The following CSMD3 variants were observed in gnomAD, a reference collection of about 807,000 sequenced individuals.
CSMD3 encodes CUB and sushi domain-containing protein 3.
CSMD3 carries 177 observed loss-of-function variants against 435.2 expected under a neutral mutation model. The ratio of observed to expected loss-of-function variants is 0.41; its 90% confidence interval spans 0.36 to 0.46. The LOEUF is 0.46. Ranked by LOEUF, CSMD3 falls within the 20% of genes least tolerant of loss-of-function variation. The pLI is 0.34. For missense variants in CSMD3, 4,265 were observed against 4,504.6 expected (o/e 0.95, Z 1.52); for synonymous variants, 1,656 against 1,520.5 (o/e 1.09, Z -2.07).
Position 112,947,888 on chromosome 8 carries a change from AG to A in CSMD3, c.1421-12del. 1 of 1,246,642 alleles carries A rather than the reference AG, an allele frequency of 8.0e-7. No homozygotes were observed. 77.2% of individuals were successfully genotyped at this position (1,246,642 alleles called of 1,614,324 possible). On this transcript the variant is annotated splice_polypyrimidine_tract_variant and intron_variant, in intron 8 of 70. Transcript: ENST00000297405. Reference sequence around the variant, plus strand: ...TACCTCCCTCATTTACTGCAACAGCAGGGAAAAAAGAAAAAAGAAACAAAAT... The same window carrying A: ...TACCTCCCTCATTTACTGCAACAGCAGGAAAAAAGAAAAAAGAAACAAAAT...
chr8:112,440,984 A>G (rs891635230), intron 32 of CSMD3, among the ~76,000 whole-genome samples: 1 of 151,896 alleles, frequency 6.6e-6, no homozygotes, highest in Non-Finnish European at 1.5e-5. Flanking sequence ...ATTAACCTTC[A>G]CCTCTTTGTA....
intron 13 of CSMD3, among the ~76,000 whole-genome samples, chr8:112,743,305 A>T (rs12682342): frequency 0.34 from 51,379 of 150,228 alleles, 9,626 homozygotes; most frequent in African/African-American, 0.51. Flanking sequence ...CCAAAAAAAA[A>T]AAATAAATAA....
intron 1 of CSMD3, among the ~76,000 whole-genome samples, chr8:113,366,426 AAAACC>A (rs1198345328): frequency 6.6e-6 from 1 of 152,066 alleles, no homozygotes; most frequent in Non-Finnish European, 1.5e-5. Flanking sequence ...TATCATGAGG[AAAACC>A]AAACCAAATA....
Position 112,482,705 on chromosome 8 carries a change from A to G in CSMD3, c.5278+9784T>C, listed in dbSNP as rs146982288. On this transcript the variant is annotated intron_variant, in intron 31 of 70. Transcript: ENST00000297405. ...ATGATGAAAACCTTTTACTATTTAA[A>G]GAAATTACTTAAAGCAACTAATATA... Among the ~76,000 whole-genome samples, 93 of 152,356 alleles carry G rather than the reference A, an allele frequency of 6.1e-4. 1 individual carries two copies. In the East Asian group the frequency reaches 0.017, roughly 28 times the overall value.
intron 3 of CSMD3, among the ~76,000 whole-genome samples, chr8:113,183,715 G>A (rs1244355264): frequency 6.6e-6 from 1 of 151,886 alleles, no homozygotes; most frequent in East Asian, 1.9e-4. Flanking sequence ...TATATATAAT[G>A]TCTTACTTGT....
In CSMD3 at chr8:113,358,553, A is replaced by G. The variant is rs144583798; in HGVS notation, c.179-43760T>C. On this transcript the variant is annotated intron_variant, in intron 1 of 70. Coordinates refer to ENST00000297405, the MANE Select transcript of CSMD3 (RefSeq NM_198123.2). ...TATTTAGTACAGACCAGGTTTCACC[A>G]TAATGATTAGGCTGGTCTCGATAAA... Among the ~76,000 whole-genome samples the G allele has an allele frequency of 8.3e-3, 1,260 of 152,298 alleles. 16 individuals carry two copies. Among genetic ancestry groups the G allele is most frequent in the African/African-American group, 0.028 (1,176 of 41,562 alleles).
chr8:112,622,060 G>A (rs1246824862), intron 22 of CSMD3, among the ~76,000 whole-genome samples: 1 of 152,118 alleles, frequency 6.6e-6, no homozygotes, highest in African/African-American at 2.4e-5. Flanking sequence ...ACATAAAACA[G>A]GAGCTGTGTG....
chr8:113,379,707 T>C (rs2094406665), intron 1 of CSMD3, among the ~76,000 whole-genome samples: 2 of 152,260 alleles, frequency 1.3e-5, no homozygotes, highest in South Asian at 4.1e-4. Context: ...GAAATTAATC[T>C]AATAATATAA....
intron 32 of CSMD3, among the ~76,000 whole-genome samples, chr8:112,425,827 A>C (rs1813009751): frequency 6.6e-6 from 1 of 152,208 alleles, no homozygotes; most frequent in South Asian, 2.1e-4. Context: ...AATAGTAGTA[A>C]AAAAATCTCA....
At chr8:113,272,389 C>A (rs573913188) in intron 3 of CSMD3, among the ~76,000 whole-genome samples, 1 of 152,264 alleles carries the variant, frequency 6.6e-6, no homozygotes, top group Non-Finnish European at 1.5e-5. Context: ...TAATTTAAAT[C>A]ATGGGAGCAG....
chr8:112,630,593 C>A (rs757881182), intron 22 of CSMD3, among the ~76,000 whole-genome samples: 5 of 151,804 alleles, frequency 3.3e-5, no homozygotes, highest in Non-Finnish European at 7.4e-5. Context: ...TGGGCTAGGA[C>A]AAAGGAAGTG....
At chr8:113,064,526 A>C (rs1453419947) in intron 5 of CSMD3, among the ~76,000 whole-genome samples, 1 of 152,158 alleles carries the variant, frequency 6.6e-6, no homozygotes, top group Admixed American at 6.5e-5. Flanking sequence ...TCACTCTCCA[A>C]ATGTATTTGA....
intron 63 of CSMD3, 150 bp downstream of exon 63, chr8:112,254,103 C>A (rs955343118): frequency 6.0e-6 from 4 of 665,928 alleles, no homozygotes; most frequent in African/African-American, 5.5e-5. Flanking sequence ...TCCTTTACTT[C>A]CACTCTTTTG....
At chr8:113,273,978 G>A (rs1186004313) in intron 3 of CSMD3, among the ~76,000 whole-genome samples, 6 of 151,914 alleles carry the variant, frequency 3.9e-5, no homozygotes, top group Non-Finnish European at 8.8e-5. Flanking sequence ...GAAAGTAACA[G>A]GTTTTTGAAA....
chr8:112,710,451 G>T (rs149587544), intron 13 of CSMD3, among the ~76,000 whole-genome samples: 139 of 152,046 alleles, frequency 9.1e-4, no homozygotes, highest in African/African-American at 3.3e-3. Context: ...TTTCTATACT[G>T]CTTTTGTGGA....
chr8:113,269,690 A>G (rs967419592), intron 3 of CSMD3, among the ~76,000 whole-genome samples: 1 of 144,230 alleles, frequency 6.9e-6, no homozygotes, highest in African/African-American at 2.9e-5. Context: ...GACAAACCTG[A>G]CAAAAAAAAG....
chr8:112,343,001 T>TATATA (rs1554647587), intron 41 of CSMD3, among the ~76,000 whole-genome samples: 6 of 109,678 alleles, frequency 5.5e-5, no homozygotes, highest in African/African-American at 1.1e-4. Context: ...ATATATATAT[T>TATATA]TATATATATA....
intron 10 of CSMD3, among the ~76,000 whole-genome samples, chr8:112,913,444 C>A (rs1351989163): frequency 6.6e-6 from 1 of 151,922 alleles, no homozygotes. Context: ...TGGTTCCTTA[C>A]AGTCCACAGA....
intron 3 of CSMD3, among the ~76,000 whole-genome samples, chr8:113,175,486 TAATG>T (rs1420670054): frequency 6.6e-6 from 1 of 151,958 alleles, no homozygotes; most frequent in Non-Finnish European, 1.5e-5. Flanking sequence ...TTAGTGTCAG[TAATG>T]AAAGTTATTT....
Sources: allele counts gnomAD v4.1 joint callset (sites outside exome capture counted in the v4.1 genomes callset), GRCh38; gene constraint gnomAD v4.1.1; transcripts MANE v1.5; gene names NCBI Gene and HGNC (gene_info 2026-07-23, HGNC 2026-07-21).